Variants in COL27A1 observed in about 807,000 individuals in gnomAD.
COL27A1 encodes the protein collagen type XXVII alpha 1 chain, also known as collagen alpha-1(XXVII) chain.
In COL27A1, 106 loss-of-function variants were observed where a neutral mutation model predicts 251.3. The ratio of observed to expected loss-of-function variants is 0.42; its 90% CI spans 0.36 to 0.50. The LOEUF (loss-of-function observed/expected upper bound fraction) is 0.50. Ranked by LOEUF, COL27A1 falls within the 20% of genes least tolerant of loss-of-function variation. COL27A1 has a pLI of 0.00. For missense variants in COL27A1, 2,325 were observed against 2,522.8 expected (o/e 0.92, Z 1.68); for synonymous variants, 1,000 against 986.3 (o/e 1.01, Z -0.26).
chr9:114,162,776 G>T lies in COL27A1; in HGVS notation c.124G>T (p.Ala42Ser). 6.2e-7 allele frequency: 1 copy of T among 1,611,788 alleles called. No individual in the cohort carries two copies. Among genetic ancestry groups the T allele is most frequent in the Non-Finnish European group, 8.5e-7 (1 of 1,178,374 alleles). ...CTGTCACCTGGCCTCCACCCAAGGA[G>T]CTCCTGAAGGTAATTCTCTCTTCTC... ...FACHLASTQG[A>S]PEDVDILQRL... Residue 42 changes from alanine to serine, a missense_variant, in exon 2 of 61, where the codon GCT becomes TCT. This residue lies in a region of COL27A1 where 1,183 missense variants were observed against 1,144.1 expected (regional missense o/e 1.03). Transcript: ENST00000356083.
rs58794940 is a variant in COL27A1, at chr9:114,277,216, G to C, written c.3717+1448G>C. The stretch of plus-strand genomic sequence containing the variant: ...GTTGAGCAGGGTTTGTGTGACCCAG[G>C]AGTGCTGGGTCGGTTCAGTTGAACT... On this transcript the variant is annotated intron_variant, in intron 37 of 60. Transcript: ENST00000356083. Among the ~76,000 whole-genome samples, 993 of 152,222 alleles carry C rather than the reference G, an allele frequency of 6.5e-3. 15 individuals carry two copies. Among genetic ancestry groups the C allele is most frequent in the Admixed American group, 0.039 (599 of 15,292 alleles).
chr9:114,192,709 A>C (rs1239298055), intron 5 of COL27A1, among the ~76,000 whole-genome samples: 2 of 152,178 alleles, frequency 1.3e-5, no homozygotes, highest in African/African-American at 2.4e-5. Context: ...CCTTGGAACA[A>C]ATGGGTGCTA....
Position 114,178,437 on chromosome 9 carries a change from A to G in COL27A1, c.1962+93A>G, listed in dbSNP as rs1827640633. On this transcript the variant is annotated intron_variant, in intron 4 of 60. Coordinates refer to ENST00000356083, the MANE Select transcript of COL27A1 (RefSeq NM_032888.4). The stretch of plus-strand genomic sequence containing the variant: ...GGTCTCGGGTTTGCTGTGTGTCCTC[A>G]GGTTCTTCCCTCCCCCTCTCTGGCA... 1.7e-6 allele frequency: 2 copies of G among 1,158,980 alleles called. 1 individual carries two copies. The highest frequency in any genetic ancestry group is 4.7e-5 in the East Asian group (2 of 42,434). The allele number at this position is 1,158,980 out of a possible 1,614,324, so 71.8% of individuals were successfully genotyped here.
intron 16 of COL27A1, among the ~76,000 whole-genome samples, chr9:114,234,272 A>T (rs947844302): frequency 6.8e-6 from 1 of 146,352 alleles, no homozygotes; most frequent in African/African-American, 2.5e-5. Flanking sequence ...GTTGTACAGG[A>T]TTTTCCAAAT....
Position 114,222,165 on chromosome 9 carries a change from G to A in COL27A1, c.2422-58G>A. The A allele has an allele frequency of 2.7e-6, 4 of 1,491,836 alleles. No individual in the cohort carries two copies. The South Asian group carries it at 4.5e-5, about 17-fold the overall frequency. 92.4% of individuals were successfully genotyped at this position (1,491,836 alleles called of 1,614,324 possible). A position where few individuals can be genotyped will look rare whatever the true frequency, so the allele number is the denominator to read the frequency against. On this transcript the variant is annotated intron_variant, in intron 13 of 60. Transcript: ENST00000356083. ...TGCCTGTGTGGAGGATGACATGGAG[G>A]GAGGGGCCCTGGAGGGAGATGGGAC...
intron 24 of COL27A1, chr9:114,246,119 T>C: frequency 1.9e-6 from 1 of 514,728 alleles, no homozygotes; most frequent in Non-Finnish European, 3.4e-6. Flanking sequence ...TGGATCATAG[T>C]CACGACAGCT....
chr9:114,235,371 AG>A (rs1316233062), intron 16 of COL27A1, among the ~76,000 whole-genome samples: 5 of 152,182 alleles, frequency 3.3e-5, no homozygotes, highest in African/African-American at 1.2e-4. Flanking sequence ...TGGCATTTTC[AG>A]CCATCCGAGC....
chr9:114,256,033 T>C (rs1833896580), intron 27 of COL27A1, among the ~76,000 whole-genome samples: 1 of 152,198 alleles, frequency 6.6e-6, no homozygotes, highest in Non-Finnish European at 1.5e-5. Context: ...TCATGAATGG[T>C]GATAACTATT....
chr9:114,292,653 T>C (rs1415702449), intron 49 of COL27A1, among the ~76,000 whole-genome samples: 11 of 152,264 alleles, frequency 7.2e-5, no homozygotes, highest in Middle Eastern at 3.4e-3. Context: ...AAAGCTGAGA[T>C]TGTCAGAGTG....
intron 5 of COL27A1, among the ~76,000 whole-genome samples, chr9:114,193,193 C>A (rs1828868757): frequency 6.6e-6 from 1 of 152,076 alleles, no homozygotes; most frequent in African/African-American, 2.4e-5. Context: ...GGAATGGGGA[C>A]AAAGATTAAG....
chr9:114,263,109 T>G (rs1834470043), intron 28 of COL27A1, among the ~76,000 whole-genome samples: 2 of 151,872 alleles, frequency 1.3e-5, no homozygotes, highest in African/African-American at 2.4e-5. Context: ...TAGCTAATTT[T>G]TGTATTTATA....
At chr9:114,285,677 C>G (rs116591696) in intron 41 of COL27A1, among the ~76,000 whole-genome samples, 4,391 of 152,282 alleles carry the variant, frequency 0.029, 136 homozygotes, top group African/African-American at 0.079. Flanking sequence ...CCATGGTAGA[C>G]GGCCACCCGC....
intron 2 of COL27A1, among the ~76,000 whole-genome samples, chr9:114,163,227 C>T (rs1848616308): frequency 2.2e-5 from 1 of 46,184 alleles, no homozygotes; most frequent in Non-Finnish European, 4.1e-5. Flanking sequence ...AGCGAGACTC[C>T]GTCTCAAAAA....
chr9:114,168,542 C>T lies in COL27A1; in HGVS notation c.987C>T (p.Ala329=). 1 of 1,614,056 alleles carries T rather than the reference C, an allele frequency of 6.2e-7. No individual in the cohort carries two copies. Among genetic ancestry groups the T allele is most frequent in the Non-Finnish European group, 8.5e-7 (1 of 1,179,940 alleles). The change falls in exon 3 of 61, where the codon GCC becomes GCT. Residue 329 remains alanine, a synonymous_variant. Coordinates refer to ENST00000356083, the MANE Select transcript of COL27A1 (RefSeq NM_032888.4). ...QTPLLPAKLS[A]SNALDPMLPA... ...CGCTGCTACCTGCCAAGCTGTCAGC[C>T]AGTAACGCACTTGATCCCATGCTCC...
intron 49 of COL27A1, among the ~76,000 whole-genome samples, chr9:114,299,516 G>A (rs1828471677): frequency 6.6e-6 from 1 of 152,186 alleles, no homozygotes; most frequent in South Asian, 2.1e-4. Context: ...CACTGGGTTT[G>A]AATCTAGCAC....
intron 59 of COL27A1, 44 bp from the exon 60 acceptor site, chr9:114,309,216 G>A: frequency 6.4e-7 from 1 of 1,567,680 alleles, no homozygotes; most frequent in Non-Finnish European, 8.8e-7. Flanking sequence ...TGTGGGGGGT[G>A]TGGGGGGCAG....
chr9:114,179,568 C>T (rs752398747), intron 4 of COL27A1, among the ~76,000 whole-genome samples: 7 of 152,196 alleles, frequency 4.6e-5, no homozygotes, highest in African/African-American at 1.4e-4. Context: ...TTGGAACTCC[C>T]GCAGTGGTTC....
chr9:114,301,037 G>C lies in COL27A1; in HGVS notation c.4702-35G>C, dbSNP rs73656039. Reference sequence around the variant, plus strand: ...CCCCGTGTCTGTTCCCCAGGCCCTGGAACAAGGACACATGAGCCTTTCTGT... The same window carrying C: ...CCCCGTGTCTGTTCCCCAGGCCCTGCAACAAGGACACATGAGCCTTTCTGT... On this transcript the variant is annotated intron_variant, in intron 51 of 60. Transcript: ENST00000356083. 6.8e-3 allele frequency: 10,754 copies of C among 1,571,864 alleles called. 645 individuals carry two copies. In the African/African-American group the frequency reaches 0.13, roughly 19 times the overall value.
intron 14 of COL27A1, among the ~76,000 whole-genome samples, chr9:114,223,164 T>G (rs1466904434): frequency 1.3e-5 from 2 of 152,146 alleles, no homozygotes; most frequent in Non-Finnish European, 2.9e-5. Context: ...GGTCAGAGCC[T>G]GGGAAATGAC....
Sources: gnomAD v4.1 joint callset for allele counts (sites outside exome capture counted in the v4.1 genomes callset) on GRCh38, gnomAD v4.1.1 for gene constraint, gnomAD v4.1.1 regional missense constraint, MANE v1.5 for transcripts, NCBI Gene and HGNC (gene_info 2026-07-23, HGNC 2026-07-21) for gene names.